The following SLC15A5 variants were observed in gnomAD, a reference collection of about 807,000 sequenced individuals.
SLC15A5 encodes the protein Peptide/histidine transporter ENSP00000340402.
Under a neutral mutation model 56.1 loss-of-function variants are expected in SLC15A5, and 58 were observed. The observed-to-expected ratio is 1.03, with a 90% CI of 0.84 to 1.29. The LOEUF is 1.29. SLC15A5 is among the 50% of genes most tolerant of loss of function. The probability of loss-of-function intolerance (pLI) is 0.00; values close to 1 mark genes in which losing one functional copy is unlikely to be tolerated. For synonymous variants in SLC15A5, 264 were observed against 250.5 expected, an observed-to-expected ratio of 1.05 and a Z score of -0.51; for missense variants, 681 against 672.1, an observed-to-expected ratio of 1.01 and a Z score of -0.15.
intron 6 of SLC15A5, among the ~76,000 whole-genome samples, chr12:16,220,063 T>C (rs1358339244): frequency 1.3e-5 from 2 of 152,192 alleles, no homozygotes; most frequent in Non-Finnish European, 2.9e-5. Flanking sequence ...ACTCTCGTTG[T>C]TCTTAAACAG....
chr12:16,256,110 T>C (rs1229409829), intron 3 of SLC15A5, among the ~76,000 whole-genome samples: 2 of 152,200 alleles, frequency 1.3e-5, no homozygotes, highest in African/African-American at 4.8e-5. Flanking sequence ...GAAATCCTAA[T>C]AGTTACATTA....
chr12:16,225,653 C>T (rs1864233734), intron 5 of SLC15A5, among the ~76,000 whole-genome samples: 1 of 152,182 alleles, frequency 6.6e-6, no homozygotes, highest in Non-Finnish European at 1.5e-5. Context: ...TATGAACAGA[C>T]ACTTCTCAAA....
At chr12:16,195,222 T>C (rs1450996272) in intron 7 of SLC15A5, among the ~76,000 whole-genome samples, 1 of 152,072 alleles carries the variant, frequency 6.6e-6, no homozygotes, top group Non-Finnish European at 1.5e-5. Context: ...TCTGCCTCTG[T>C]CTCTGTCCCT....
chr12:16,256,116 C>T (rs1191638826), intron 3 of SLC15A5, among the ~76,000 whole-genome samples: 2 of 152,246 alleles, frequency 1.3e-5, no homozygotes, highest in Middle Eastern at 3.4e-3. Context: ...CTAATAGTTA[C>T]ATTAGCAGAA....
chr12:16,237,560 GA>G lies in SLC15A5; in HGVS notation c.1162+2120del, dbSNP rs533919742. On this transcript the variant is annotated intron_variant, in intron 5 of 8. Transcript: ENST00000344941. This position sits in a 1 kb window ranked among gnomAD's most constrained non-coding sequence, Gnocchi z 4.1. ...ACTCTGTCTAACTTTTCTAAATCCA[GA>G]AAAAAAGTACTCTTCTTTAGGAAGA... 6.6e-6 allele frequency among the ~76,000 whole-genome samples: 1 copy of G among 151,960 alleles called. No individual in the cohort carries two copies. Among genetic ancestry groups the G allele is most frequent in the African/African-American group, 2.4e-5 (1 of 41,404 alleles).
intron 7 of SLC15A5, among the ~76,000 whole-genome samples, chr12:16,212,262 T>C (rs1245763113): frequency 6.6e-6 from 1 of 152,156 alleles, no homozygotes; most frequent in Non-Finnish European, 1.5e-5. Flanking sequence ...TTTTCAAATA[T>C]CTTATTTAGT....
chr12:16,194,492 T>G (rs1421628165), intron 7 of SLC15A5, 39 bp from the exon 8 acceptor site: 1 of 1,338,228 alleles, frequency 7.5e-7, no homozygotes, highest in African/African-American at 1.5e-5. Flanking sequence ...AACTGCAGAG[T>G]TGTAAGTTTC....
At chr12:16,265,848 TC>T (rs1478463516) in intron 2 of SLC15A5, among the ~76,000 whole-genome samples, 1 of 152,232 alleles carries the variant, frequency 6.6e-6, no homozygotes, top group African/African-American at 2.4e-5. Flanking sequence ...GTTTTGCTTT[TC>T]ATTTATAGAT....
At chr12:16,222,002 C>G (rs1043768571) in intron 6 of SLC15A5, among the ~76,000 whole-genome samples, 2 of 151,774 alleles carry the variant, frequency 1.3e-5, no homozygotes, top group African/African-American at 4.9e-5. Flanking sequence ...ACCTGTGCTT[C>G]TGTTCTGAGT....
chr12:16,215,592 TTGC>T (rs1188077962), intron 7 of SLC15A5, among the ~76,000 whole-genome samples: 1 of 152,068 alleles, frequency 6.6e-6, no homozygotes. Flanking sequence ...AGTCAGCAAC[TTGC>T]TGCCGTTCAC....
intron 3 of SLC15A5, among the ~76,000 whole-genome samples, chr12:16,245,985 G>T (rs1199281541): frequency 6.6e-6 from 1 of 152,144 alleles, no homozygotes; most frequent in Admixed American, 6.5e-5. Context: ...CATTATGTCA[G>T]CCTTTGATTA....
intron 3 of SLC15A5, among the ~76,000 whole-genome samples, chr12:16,251,687 C>G (rs909230562): frequency 2.6e-5 from 4 of 151,856 alleles, no homozygotes; most frequent in South Asian, 2.1e-4. Flanking sequence ...CAAAAACCCC[C>G]TAACAAAGAA....
chr12:16,202,260 C>T lies in SLC15A5; in HGVS notation c.1484-7807G>A, dbSNP rs571343926. Among the ~76,000 whole-genome samples the T allele has an allele frequency of 1.2e-4, 18 of 152,080 alleles. No individual in the cohort carries two copies. The South Asian group carries it at 3.5e-3, about 30-fold the overall frequency. On this transcript the variant is annotated intron_variant, in intron 7 of 8. Transcript: ENST00000344941. ...TTCAAGATACTCAGTAAGAAAAAACCCAAATAGCTAATCGAAAATTGGGCA... is the reference window on the plus strand; with the variant it reads ...TTCAAGATACTCAGTAAGAAAAAACTCAAATAGCTAATCGAAAATTGGGCA...
chr12:16,275,088 A>T (rs530389136), intron 1 of SLC15A5, among the ~76,000 whole-genome samples: 1 of 152,054 alleles, frequency 6.6e-6, no homozygotes, highest in Admixed American at 6.6e-5. Context: ...GAAGTCAGCC[A>T]TGCAGGTGGA....
intron 1 of SLC15A5, among the ~76,000 whole-genome samples, chr12:16,273,634 A>C (rs1864785669): frequency 6.6e-6 from 1 of 152,022 alleles, no homozygotes; most frequent in South Asian, 2.1e-4. Context: ...TTTTTTTTAA[A>C]GAAATAAGTT....
chr12:16,203,223 A>G (rs1863979903), intron 7 of SLC15A5, among the ~76,000 whole-genome samples: 1 of 152,170 alleles, frequency 6.6e-6, no homozygotes, highest in African/African-American at 2.4e-5. Context: ...TTGAAACATT[A>G]CATTGTACCC....
chr12:16,218,297 T>C (rs1346098886), intron 6 of SLC15A5, among the ~76,000 whole-genome samples: 3 of 152,206 alleles, frequency 2.0e-5, no homozygotes, highest in African/African-American at 7.2e-5. Context: ...ACTGGATTTC[T>C]AATATTCCTC....
At chr12:16,277,014 G>A (rs1864827331) in intron 1 of SLC15A5, among the ~76,000 whole-genome samples, 1 of 151,906 alleles carries the variant, frequency 6.6e-6, no homozygotes, top group Non-Finnish European at 1.5e-5. Flanking sequence ...CATGAATTTA[G>A]GCTTGAGGTA....
chr12:16,271,144 T>C lies in SLC15A5; in HGVS notation c.584+1417A>G, dbSNP rs549493179. On this transcript the variant is annotated intron_variant, in intron 2 of 8. Coordinates refer to ENST00000344941, the MANE Select transcript of SLC15A5 (RefSeq NM_001170798.1). The surrounding 1 kb of genome is among the most constrained non-coding windows in gnomAD (Gnocchi z 8.0). ...TTCCCCATCCCCCTTCCTGAAGCCC[T>C]AAAGCACACACCCAGTGGGAGTCCC... is the stretch of plus-strand genomic sequence containing the variant. 8.5e-5 allele frequency among the ~76,000 whole-genome samples: 13 copies of C among 152,178 alleles called. No homozygotes were observed. Among genetic ancestry groups the C allele is most frequent in the Non-Finnish European group, 1.3e-4 (9 of 68,032 alleles).
Sources: allele counts gnomAD v4.1 joint callset (sites outside exome capture counted in the v4.1 genomes callset), GRCh38; gene constraint gnomAD v4.1.1; non-coding constraint Gnocchi (gnomAD v3.1); transcripts MANE v1.5; gene names NCBI Gene and HGNC (gene_info 2026-07-23, HGNC 2026-07-21).